Variants in NRF1 observed in about 807,000 individuals in gnomAD.
The protein encoded by NRF1 is nuclear respiratory factor 1.
Under a neutral mutation model 58.5 loss-of-function variants are expected in NRF1, and 5 were observed. The ratio of observed to expected loss-of-function variants is 0.09; its 90% CI spans 0.04 to 0.18. The LOEUF (loss-of-function observed/expected upper bound fraction) is 0.18, where lower values mean the gene tolerates loss of function less well. Among genes scored for constraint, NRF1 ranks in the 10% least tolerant of loss-of-function variants. The probability of loss-of-function intolerance (pLI) is 1.00; values close to 1 mark genes in which losing one functional copy is unlikely to be tolerated. For synonymous variants in NRF1, 224 were observed against 246.7 expected, an observed-to-expected ratio of 0.91 and a Z score of 0.86; for missense variants, 288 against 657.7, an observed-to-expected ratio of 0.44 and a Z score of 6.15.
At chr7:129,642,028 G>A (rs984414222) in intron 1 of NRF1, among the ~76,000 whole-genome samples, 3 of 150,382 alleles carry the variant, frequency 2.0e-5, no homozygotes, top group Admixed American at 1.3e-4. Context: ...GCCTAGGCTG[G>A]AGTGCAGTGG....
intron 1 of NRF1, among the ~76,000 whole-genome samples, chr7:129,638,552 A>G (rs1358160362): frequency 1.3e-5 from 2 of 152,160 alleles, no homozygotes; most frequent in Admixed American, 1.3e-4. Flanking sequence ...TCTGTTTTTG[A>G]GAATTTTATC....
intron 5 of NRF1, among the ~76,000 whole-genome samples, chr7:129,693,931 T>C (rs758309001): frequency 1.3e-5 from 2 of 152,214 alleles, no homozygotes; most frequent in Non-Finnish European, 2.9e-5. Context: ...TTATATTATA[T>C]CATCGTGGAT....
chr7:129,726,425 G>C (rs558294302), intron 9 of NRF1, among the ~76,000 whole-genome samples: 1 of 152,232 alleles, frequency 6.6e-6, no homozygotes, highest in East Asian at 1.9e-4. Flanking sequence ...AAAGCATATA[G>C]CAAGGAAAAG....
intron 1 of NRF1, among the ~76,000 whole-genome samples, chr7:129,617,039 T>G (rs1461125012): frequency 6.6e-6 from 1 of 152,204 alleles, no homozygotes; most frequent in Non-Finnish European, 1.5e-5. Flanking sequence ...TAATATGCAT[T>G]GTATTTCGAT....
At chr7:129,720,186 G>A (rs921554190) in intron 9 of NRF1, among the ~76,000 whole-genome samples, 4 of 152,186 alleles carry the variant, frequency 2.6e-5, no homozygotes, top group African/African-American at 9.7e-5. Flanking sequence ...ATGAGTGTTA[G>A]GGGTTGGTGG....
At chr7:129,739,885 T>C (rs2116291747) in intron 10 of NRF1, among the ~76,000 whole-genome samples, 1 of 152,260 alleles carries the variant, frequency 6.6e-6, no homozygotes. Context: ...GCCATGACTA[T>C]TGCATGAATT....
At chr7:129,617,046 C>T (rs151291817) in intron 1 of NRF1, among the ~76,000 whole-genome samples, 4 of 152,190 alleles carry the variant, frequency 2.6e-5, no homozygotes, top group East Asian at 1.9e-4. Flanking sequence ...CATTGTATTT[C>T]GATTAATTCA....
chr7:129,665,689 T>C (rs1328499871), intron 2 of NRF1, among the ~76,000 whole-genome samples: 1 of 152,122 alleles, frequency 6.6e-6, no homozygotes, highest in Non-Finnish European at 1.5e-5. Context: ...AGTGGTACAA[T>C]CATGGCTTAC....
At position 129,735,176 on chromosome 7, in the gene NRF1, CT is replaced by C. The variant is rs1803677377; in HGVS notation, c.1348+7812del. The C allele has an allele frequency of 6.1e-6, 6 of 985,302 alleles. No individual in the cohort carries two copies. In the South Asian group the frequency reaches 2.8e-4, roughly 46 times the overall value. 61.0% of individuals were successfully genotyped at this position (985,302 alleles called of 1,614,324 possible). The stretch of plus-strand genomic sequence containing the variant: ...ACCACCTATGCTGCCCTGGTTAAGA[CT>C]AGGGTCTCAACCCTCCCTCCTCATG... On this transcript the variant is annotated intron_variant, in intron 10 of 10. Coordinates refer to ENST00000393232, the MANE Select transcript of NRF1 (RefSeq NM_005011.5).
chr7:129,751,463 TTCC>T (rs1804114113), intron 10 of NRF1, among the ~76,000 whole-genome samples: 1 of 152,234 alleles, frequency 6.6e-6, no homozygotes, highest in South Asian at 2.1e-4. Context: ...GGGGAAAATC[TTCC>T]GTGATACTAT....
chr7:129,737,580 T>G (rs1803747062), intron 10 of NRF1, among the ~76,000 whole-genome samples: 1 of 115,962 alleles, frequency 8.6e-6, no homozygotes, highest in Non-Finnish European at 2.1e-5. Flanking sequence ...TCCACCTTTT[T>G]CTGTGTTCCT....
intron 3 of NRF1, among the ~76,000 whole-genome samples, chr7:129,677,007 A>ATTTTT (rs56059756): frequency 0.011 from 1,277 of 113,248 alleles, 23 homozygotes; most frequent in East Asian, 0.019. Context: ...TCTTGGTTGC[A>ATTTTT]TTTTTTTTTT....
At chr7:129,710,325 A>T (rs1803045302) in intron 6 of NRF1, 49 bp from the exon 7 acceptor site, 2 of 1,577,814 alleles carry the variant, frequency 1.3e-6, no homozygotes, top group East Asian at 4.5e-5. Flanking sequence ...GGACTAAATA[A>T]CCAAAGTTCT....
At chr7:129,638,191 G>T (rs1801212491) in intron 1 of NRF1, among the ~76,000 whole-genome samples, 1 of 151,660 alleles carries the variant, frequency 6.6e-6, no homozygotes, top group Non-Finnish European at 1.5e-5. Flanking sequence ...TTTGACTACA[G>T]ATCAAGACCT....
chr7:129,645,579 C>T (rs1052718652), intron 1 of NRF1, among the ~76,000 whole-genome samples: 3 of 152,294 alleles, frequency 2.0e-5, no homozygotes, highest in South Asian at 4.1e-4. Context: ...GTCAAAGGTA[C>T]CATTGCTACC....
chr7:129,738,558 G>A (rs549218089), intron 10 of NRF1, among the ~76,000 whole-genome samples: 49 of 152,298 alleles, frequency 3.2e-4, no homozygotes, highest in Middle Eastern at 6.8e-3. Context: ...CATTTCAGTC[G>A]GCTGTAATTT....
At chr7:129,671,728 C>G (rs766288930) in intron 3 of NRF1, among the ~76,000 whole-genome samples, 185 bp downstream of exon 3, 1 of 152,266 alleles carries the variant, frequency 6.6e-6, no homozygotes, top group South Asian at 2.1e-4. Flanking sequence ...TTAACAGATA[C>G]GTAATATCAC....
chr7:129,684,795 A>G (rs1802407893), intron 4 of NRF1, among the ~76,000 whole-genome samples: 1 of 152,236 alleles, frequency 6.6e-6, no homozygotes, highest in Admixed American at 6.5e-5. Context: ...CTTCGTCAAC[A>G]TATAACTATT....
rs143492061 is a variant in NRF1, at chr7:129,690,953, C to T, written c.606+407C>T. On this transcript the variant is annotated intron_variant, in intron 5 of 10. Coordinates refer to ENST00000393232, the MANE Select transcript of NRF1 (RefSeq NM_005011.5). ...TTTCAATGTAAATTCTAAATACTTC[C>T]ATAATTATTACTAAGTACAGCTTCC... 5.8e-3 allele frequency among the ~76,000 whole-genome samples: 887 copies of T among 152,288 alleles called. 4 individuals carry two copies. The highest frequency in any genetic ancestry group is 0.024 in the Middle Eastern group (7 of 294).
Sources: gnomAD v4.1 joint callset for allele counts (sites outside exome capture counted in the v4.1 genomes callset) on GRCh38, gnomAD v4.1.1 for gene constraint, MANE v1.5 for transcripts, NCBI Gene and HGNC (gene_info 2026-07-23, HGNC 2026-07-21) for gene names.